KLRG1: variants seen among roughly 807,000 people sequenced by gnomAD.
KLRG1 encodes killer cell lectin like receptor G1, also known as killer cell lectin-like receptor subfamily G member 1.
KLRG1 carries 16 observed loss-of-function variants against 21.8 expected under a neutral mutation model. The ratio of observed to expected loss-of-function variants is 0.73; its 90% CI spans 0.50 to 1.11. KLRG1 has a LOEUF of 1.11. Among genes scored for constraint, KLRG1 ranks in the 50% most tolerant of loss-of-function variants. The pLI, the probability that KLRG1 is intolerant of heterozygous loss-of-function variation, is 0.00. For missense variants in KLRG1, 173 were observed against 218.3 expected (o/e 0.79, Z 1.31); for synonymous variants, 69 against 75.9 (o/e 0.91, Z 0.47).
the KLRG1 span, chr12:9,080,351 C>T: frequency 5.1e-6 from 2 of 393,886 alleles, no homozygotes; most frequent in Non-Finnish European, 9.0e-6. Context: ...CTACTGGTTT[C>T]CTGTGATTTT....
At chr12:9,165,084 A>C in the KLRG1 span, 1 of 1,562,792 alleles carries the variant, frequency 6.4e-7, no homozygotes, top group Non-Finnish European at 8.8e-7. Flanking sequence ...TAGCTGACTG[A>C]TCAAAGGAAT....
At chr12:9,005,485 C>G (rs1947444827) in intron 3 of KLRG1, among the ~76,000 whole-genome samples, 1 of 151,974 alleles carries the variant, frequency 6.6e-6, no homozygotes, top group African/African-American at 2.4e-5. Context: ...TGAAATAAAC[C>G]AGGAACAGAA....
the KLRG1 span, among the ~76,000 whole-genome samples, chr12:9,122,874 T>C: frequency 6.6e-6 from 1 of 152,080 alleles, no homozygotes; most frequent in Non-Finnish European, 1.5e-5. Flanking sequence ...AAGTTATTTA[T>C]AAAGAAAAGG....
intron 1 of KLRG1, among the ~76,000 whole-genome samples, chr12:8,967,249 T>TGGG (rs1946490761): frequency 6.6e-6 from 1 of 151,476 alleles, no homozygotes; most frequent in Admixed American, 6.6e-5. Flanking sequence ...GACGATTTAA[T>TGGG]GGGTGCAGCA....
chr12:9,112,125 G>T, the KLRG1 span: 1 of 1,608,774 alleles, frequency 6.2e-7, no homozygotes, highest in Non-Finnish European at 8.5e-7. Context: ...TGTTTATACA[G>T]ACAATCATTT....
At chr12:9,091,220 T>C in the KLRG1 span, 2 of 1,614,110 alleles carry the variant, frequency 1.2e-6, no homozygotes, top group Admixed American at 1.7e-5. Flanking sequence ...TTTGGGAAGG[T>C]AGTTTAGGAC....
chr12:9,104,577 G>A, the KLRG1 span, among the ~76,000 whole-genome samples: 31 of 151,980 alleles, frequency 2.0e-4, no homozygotes, highest in Non-Finnish European at 3.7e-4. Flanking sequence ...TCTAGTGAAA[G>A]AGATAGATGC....
chr12:9,145,564 A>G, the KLRG1 span, among the ~76,000 whole-genome samples: 1 of 152,158 alleles, frequency 6.6e-6, no homozygotes. Context: ...TTTTAACTGG[A>G]AGTAAAAGTG....
the KLRG1 span, among the ~76,000 whole-genome samples, chr12:9,069,270 T>C: frequency 1.3e-5 from 2 of 152,246 alleles, no homozygotes; most frequent in Non-Finnish European, 2.9e-5. Context: ...CATCAACTTA[T>C]GCATGAACAA....
chr12:9,179,683 T>C, the KLRG1 span, among the ~76,000 whole-genome samples: 3 of 152,212 alleles, frequency 2.0e-5, no homozygotes, highest in Non-Finnish European at 4.4e-5. Flanking sequence ...GCTTACCTAC[T>C]CCAGTGACCA....
chr12:9,147,928 T>C, the KLRG1 span, among the ~76,000 whole-genome samples: 5 of 152,196 alleles, frequency 3.3e-5, no homozygotes, highest in African/African-American at 7.2e-5. Context: ...CAGTTTTTTT[T>C]TTCTCCCACA....
the KLRG1 span, among the ~76,000 whole-genome samples, chr12:9,153,618 TA>T: frequency 3.9e-5 from 6 of 152,240 alleles, no homozygotes; most frequent in East Asian, 1.9e-4. Context: ...AGAATAGGTC[TA>T]AAACTAAGAA....
chr12:9,169,449 T>A, the KLRG1 span: 1 of 1,605,748 alleles, frequency 6.2e-7, no homozygotes, highest in South Asian at 1.1e-5. Context: ...GCTATAAATA[T>A]CTGCTTCATT....
chr12:9,059,996 C>CTTTA, the KLRG1 span, among the ~76,000 whole-genome samples: 3 of 75,572 alleles, frequency 4.0e-5, no homozygotes, highest in Admixed American at 1.6e-4. Context: ...GCCCTGGCAT[C>CTTTA]TTTTTTTTTT....
At chr12:9,153,576 T>C in the KLRG1 span, among the ~76,000 whole-genome samples, 22 of 152,248 alleles carry the variant, frequency 1.4e-4, no homozygotes, top group Non-Finnish European at 3.1e-4. Context: ...CTGTTTATTT[T>C]CATTGACAGT....
At chr12:9,056,609 C>G in the KLRG1 span, among the ~76,000 whole-genome samples, 1 of 151,968 alleles carries the variant, frequency 6.6e-6, no homozygotes, top group Non-Finnish European at 1.5e-5. Context: ...TGGGGTCTCA[C>G]TCTTTCACTC....
chr12:9,108,312 G>A, the KLRG1 span, among the ~76,000 whole-genome samples: 68 of 152,026 alleles, frequency 4.5e-4, no homozygotes, highest in Non-Finnish European at 7.9e-4. Flanking sequence ...TTTTTTAGTA[G>A]AGACGGGGTT....
At chr12:9,165,414 C>G in the KLRG1 span, 5 of 1,601,906 alleles carry the variant, frequency 3.1e-6, no homozygotes, top group Non-Finnish European at 4.3e-6. Context: ...ATGTAAGCCA[C>G]CTTTTCTCAA....
the KLRG1 span, among the ~76,000 whole-genome samples, chr12:9,130,934 T>G: frequency 1.4e-4 from 21 of 152,224 alleles, no homozygotes; most frequent in Non-Finnish European, 2.2e-4. Context: ...GTTTTAGGTC[T>G]TATGCTTATG....
Sources: allele counts gnomAD v4.1 joint callset (sites outside exome capture counted in the v4.1 genomes callset), GRCh38; gene constraint gnomAD v4.1.1; transcripts MANE v1.5; gene names NCBI Gene and HGNC (gene_info 2026-07-23, HGNC 2026-07-21).